The following DNMT3A variants were observed in gnomAD, a reference collection of about 807,000 sequenced individuals.
DNMT3A encodes the protein DNA methyltransferase 3 alpha.
DNMT3A carries 267 observed loss-of-function variants against 117.6 expected under a neutral mutation model. That is an observed-to-expected ratio of 2.27 (90% CI 2.05 to 2.51). The LOEUF (loss-of-function observed/expected upper bound fraction) is 2.51, where lower values mean the gene tolerates loss of function less well. Among genes scored for constraint, DNMT3A ranks in the 30% most tolerant of loss-of-function variants. The pLI is 0.00. For synonymous variants in DNMT3A, 432 were observed against 474.8 expected (o/e 0.91, Z 1.17); for missense variants, 1,029 against 1,260.2 (o/e 0.82, Z 2.78).
chr2:25,241,726 A>G lies in DNMT3A; in HGVS notation c.1937-19T>C. ...AGGAGCCCTGCACCAGCCAGCAGAC[A>G]GCACCGTTACTTGGAGCCATCTCCC... On this transcript the variant is annotated intron_variant, in intron 16 of 22. Coordinates refer to ENST00000321117, the MANE Select transcript of DNMT3A (RefSeq NM_022552.5). 6.2e-7 allele frequency: 1 copy of G among 1,612,000 alleles called. No individual in the cohort carries two copies. The highest frequency in any genetic ancestry group is 8.5e-7 in the Non-Finnish European group (1 of 1,179,170).
rs2031338720 is a variant in DNMT3A at position 25,275,579 on chromosome 2, G to C, written c.449-36C>G. The C allele has an allele frequency of 1.9e-6, 3 of 1,548,928 alleles. No individual in the cohort carries two copies. The South Asian group carries it at 3.7e-5, about 19-fold the overall frequency. ...GGAAGAACAAAGGGACCAGTTCGTT[G>C]GTCGGCAGAATTACTGGAGTGGCTC... On this transcript the variant is annotated intron_variant, in intron 4 of 22. Transcript: ENST00000321117.
At chr2:25,320,530 C>T (rs1166831234) in intron 1 of DNMT3A, among the ~76,000 whole-genome samples, 1 of 151,722 alleles carries the variant, frequency 6.6e-6, no homozygotes, top group Non-Finnish European at 1.5e-5. Flanking sequence ...AAAAAGAAGT[C>T]CTAAGGTAAC....
intron 3 of DNMT3A, among the ~76,000 whole-genome samples, chr2:25,299,398 C>G (rs2033288693): frequency 6.6e-6 from 1 of 152,228 alleles, no homozygotes; most frequent in Non-Finnish European, 1.5e-5. Context: ...TTTGATCAGA[C>G]TCCCAGGCCT....
chr2:25,325,181 C>T lies in DNMT3A; in HGVS notation c.-177-11020G>A, dbSNP rs375371173. 1.1e-4 allele frequency among the ~76,000 whole-genome samples: 16 copies of T among 152,258 alleles called. No individual in the cohort carries two copies. The East Asian group carries it at 1.5e-3, about 15-fold the overall frequency. On this transcript the variant is annotated intron_variant, in intron 1 of 22. Coordinates refer to ENST00000321117, the MANE Select transcript of DNMT3A (RefSeq NM_022552.5). ...ACCTAAAATAGATGCTGTTAAGGAG[C>T]TGAAGTTGTTCTCAGGAGCCAAAAT...
chr2:25,340,781 C>G (rs1270026433), intron 1 of DNMT3A, among the ~76,000 whole-genome samples: 1 of 151,132 alleles, frequency 6.6e-6, no homozygotes, highest in Non-Finnish European at 1.5e-5. Flanking sequence ...GCTGGAGGGG[C>G]GACCCCGGGC....
At chr2:25,341,550 G>A (rs1160922427) in intron 1 of DNMT3A, among the ~76,000 whole-genome samples, 1 of 146,668 alleles carries the variant, frequency 6.8e-6, no homozygotes, top group Admixed American at 6.8e-5. Flanking sequence ...GGGCGGGGAG[G>A]GGGGTCCGCG....
chr2:25,233,285 C>T lies in DNMT3A; in HGVS notation c.*994G>A. ...TCTCCTCCTTCACTTCGTTACAAAC[C>T]AAGGGGAAGAGCCCACCGTGAGAAC... On this transcript the variant is annotated 3_prime_UTR_variant, in exon 23 of 23. Coordinates refer to ENST00000321117, the MANE Select transcript of DNMT3A (RefSeq NM_022552.5). 1 of 233,692 alleles carries T rather than the reference C, an allele frequency of 4.3e-6. No homozygotes were observed. Among genetic ancestry groups the T allele is most frequent in the Non-Finnish European group, 8.5e-6 (1 of 118,014 alleles). 14.5% of individuals were successfully genotyped at this position (233,692 alleles called of 1,614,324 possible).
rs1322629874 is a variant in DNMT3A at position 25,311,462 on chromosome 2, G to T, written c.72+2451C>A. On this transcript the variant is annotated intron_variant, in intron 2 of 22. Transcript: ENST00000321117. The surrounding 1 kb of genome is among the most constrained non-coding windows in gnomAD (Gnocchi z 5.2). ...GGAAGTGTGCCAGGTGAGCCAGCAT[G>T]CGTGGTGTAGGTGTGGGCGGCTGGG... Among the ~76,000 whole-genome samples the T allele has an allele frequency of 1.3e-5, 2 of 152,206 alleles. No individual in the cohort carries two copies. The highest frequency in any genetic ancestry group is 4.8e-5 in the African/African-American group (2 of 41,450).
intron 1 of DNMT3A, chr2:25,314,678 G>A (rs1429718775): frequency 6.1e-6 from 6 of 985,338 alleles, no homozygotes; most frequent in Non-Finnish European, 7.2e-6. Flanking sequence ...CCTGGGCCCA[G>A]AGAAAGCTGA....
chr2:25,300,744 T>C (rs908317475), intron 2 of DNMT3A, among the ~76,000 whole-genome samples: 112 of 47,360 alleles, frequency 2.4e-3, no homozygotes, highest in East Asian at 4.1e-3. Flanking sequence ...TATATATATA[T>C]ATATATATAT....
chr2:25,251,425 T>C (rs926922975), intron 6 of DNMT3A, among the ~76,000 whole-genome samples: 1 of 152,120 alleles, frequency 6.6e-6, no homozygotes, highest in Non-Finnish European at 1.5e-5. Flanking sequence ...CCCCACTCCC[T>C]GCTGGCTCAC....
Position 25,252,150 on chromosome 2 carries a change from C to A in DNMT3A, c.640-3898G>T. The A allele has an allele frequency of 6.5e-7, 1 of 1,549,944 alleles. No homozygotes were observed. Among genetic ancestry groups the A allele is most frequent in the Non-Finnish European group, 8.7e-7 (1 of 1,148,350 alleles). On this transcript the variant is annotated intron_variant, in intron 6 of 22. Transcript: ENST00000321117. The surrounding 1 kb of genome is among the most constrained non-coding windows in gnomAD (Gnocchi z 5.5). ...GGAGATCCTCCCACCGGCCCTGCCG[C>A]CTCCCCGCCCCCGGTCTCCCCGGGG...
chr2:25,261,126 T>C (rs990823260), intron 6 of DNMT3A, among the ~76,000 whole-genome samples: 6 of 151,956 alleles, frequency 3.9e-5, no homozygotes, highest in Admixed American at 2.0e-4. Flanking sequence ...AAAACCCATC[T>C]CTACTAAAAA....
rs2035269175 is a variant in DNMT3A, at chr2:25,337,801, A to T, written c.-178+4025T>A. On this transcript the variant is annotated intron_variant, in intron 1 of 22. Coordinates refer to ENST00000321117, the MANE Select transcript of DNMT3A (RefSeq NM_022552.5). The surrounding 1 kb of genome is among the most constrained non-coding windows in gnomAD (Gnocchi z 5.0). ...AGGGAAAAATCGTCAGAGAGAAATG[A>T]TTGAAAATGAGCCCTCAAAATTAAA... Among the ~76,000 whole-genome samples, 1 of 152,196 alleles carries T rather than the reference A, an allele frequency of 6.6e-6. No individual in the cohort carries two copies. Among genetic ancestry groups the T allele is most frequent in the East Asian group, 1.9e-4 (1 of 5,200 alleles).
In DNMT3A at chr2:25,235,784, T is replaced by C. The variant is rs1167486470; in HGVS notation, c.2520A>G (p.Ile840Met). 1 of 1,614,168 alleles carries C rather than the reference T, an allele frequency of 6.2e-7. No homozygotes were observed. Among genetic ancestry groups the C allele is most frequent in the Admixed American group, 1.7e-5 (1 of 60,022 alleles). Reference protein sequence around the residue: ...VRTITTRSNSIKQGKDQHFPV... With the variant: ...VRTITTRSNSMKQGKDQHFPV... ...GAAAATGCTGGTCTTTGCCCTGCTTTATGGAGTTTGACCTCGTAGTAATGG... is the reference window on the plus strand; with the variant it reads ...GAAAATGCTGGTCTTTGCCCTGCTTCATGGAGTTTGACCTCGTAGTAATGG... Residue 840 changes from isoleucine to methionine, a missense_variant, in exon 22 of 23, where the codon ATA becomes ATG. By Grantham distance (10) the Ile-to-Met change is conservative. Transcript: ENST00000321117.
At position 25,248,156 on chromosome 2, in the gene DNMT3A, C is replaced by G; in HGVS notation, c.736G>C (p.Ala246Pro). 1 of 1,613,936 alleles carries G rather than the reference C, an allele frequency of 6.2e-7. No individual in the cohort carries two copies. The highest frequency in any genetic ancestry group is 8.5e-7 in the Non-Finnish European group (1 of 1,179,974). Reference protein sequence around the residue: ...SQKVEEASPPAVQQPTDPASP... With the variant: ...SQKVEEASPPPVQQPTDPASP... ...GCGGGGTCAGTGGGCTGCTGCACAG[C>G]AGGAGGGCTGGCCTCCTCCACCTTC... Residue 246 changes from alanine to proline, a missense_variant, in exon 7 of 23, where the codon GCT becomes CCT. Physicochemically the swap from Ala to Pro is conservative, Grantham distance 27. Transcript: ENST00000321117.
In DNMT3A at chr2:25,286,103, AACTCCACTGTC is replaced by A. The variant is rs2032290437; in HGVS notation, c.178-3403_178-3393del. ...TGAGCCCCGCAAAGCTGCTGGAGGCAACTCCACTGTCACTCACTTCCTGCCTGGGACCACAT... is the reference window on the plus strand; with the variant it reads ...TGAGCCCCGCAAAGCTGCTGGAGGCAACTCACTTCCTGCCTGGGACCACAT... On this transcript the variant is annotated intron_variant, in intron 3 of 22. Transcript: ENST00000321117. This position sits in a 1 kb window ranked among gnomAD's most constrained non-coding sequence, Gnocchi z 4.3. 6.6e-6 allele frequency among the ~76,000 whole-genome samples: 1 copy of A among 152,182 alleles called. No homozygotes were observed. Among genetic ancestry groups the A allele is most frequent in the East Asian group, 1.9e-4 (1 of 5,194 alleles).
At chr2:25,268,554 A>G (rs2030574026) in intron 6 of DNMT3A, among the ~76,000 whole-genome samples, 1 of 152,168 alleles carries the variant, frequency 6.6e-6, no homozygotes, top group Non-Finnish European at 1.5e-5. Context: ...TCTGAGAATT[A>G]GAAGGAAGAG....
At chr2:25,274,423 G>A (rs570224710) in intron 6 of DNMT3A, among the ~76,000 whole-genome samples, 13 of 152,260 alleles carry the variant, frequency 8.5e-5, no homozygotes, top group African/African-American at 4.8e-5. Flanking sequence ...GTGGAGCCCC[G>A]CCTGCCTCTC....
Sources: gnomAD v4.1 joint callset for allele counts (sites outside exome capture counted in the v4.1 genomes callset) on GRCh38, gnomAD v4.1.1 for gene constraint, Gnocchi (gnomAD v3.1) non-coding constraint, MANE v1.5 for transcripts, NCBI Gene and HGNC (gene_info 2026-07-23, HGNC 2026-07-21) for gene names.